Variants in HPS3 observed in about 807,000 individuals in gnomAD.
HPS3 encodes HPS3 biogenesis of lysosomal organelles complex 2 subunit 1, also known as BLOC-2 complex member HPS3.
A neutral mutation model predicts 110.9 loss-of-function variants in HPS3; 79 were observed. The observed-to-expected ratio is 0.71, with a 90% CI of 0.59 to 0.86. HPS3 has a LOEUF of 0.86. Ranked by LOEUF, HPS3 falls within the 40% of genes least tolerant of loss-of-function variation. The pLI, the probability that HPS3 is intolerant of heterozygous loss-of-function variation, is 0.00. For synonymous variants in HPS3, 428 were observed against 451.0 expected (o/e 0.95, Z 0.65); for missense variants, 1,197 against 1,206.2 (o/e 0.99, Z 0.11).
At chr3:149,130,935 A>G (rs1007477235) in intron 1 of HPS3, among the ~76,000 whole-genome samples, 3 of 152,212 alleles carry the variant, frequency 2.0e-5, no homozygotes, top group Non-Finnish European at 4.4e-5. Flanking sequence ...TTCCTTTAAT[A>G]CACTTACCTT....
In HPS3 at chr3:149,157,854, CAT is replaced by C. The variant is rs1209655105; in HGVS notation, c.1691+328_1691+329del. On this transcript the variant is annotated intron_variant, in intron 9 of 16. Coordinates refer to ENST00000296051, the MANE Select transcript of HPS3 (RefSeq NM_032383.5). ...CTTTGAAAATCCCTGACATTAAAAA[CAT>C]ATATTTTGTTAGTAAAGTTAACACT... Among the ~76,000 whole-genome samples, 11 of 152,172 alleles carry C rather than the reference CAT, an allele frequency of 7.2e-5. No homozygotes were observed. In the East Asian group the frequency reaches 2.1e-3, roughly 29 times the overall value.
intron 9 of HPS3, among the ~76,000 whole-genome samples, chr3:149,158,390 T>C (rs1322221144): frequency 1.3e-5 from 2 of 151,996 alleles, no homozygotes; most frequent in African/African-American, 2.4e-5. Context: ...AACTTAGGAG[T>C]TTGTTTCAGT....
At chr3:149,131,705 C>G (rs1028902570) in intron 1 of HPS3, among the ~76,000 whole-genome samples, 1 of 152,226 alleles carries the variant, frequency 6.6e-6, no homozygotes, top group African/African-American at 2.4e-5. Context: ...ACTTGGACGT[C>G]TCTCACTTTA....
At chr3:149,170,691 C>T (rs2108194485) in intron 16 of HPS3, 1 of 152,284 alleles carries the variant, frequency 6.6e-6, no homozygotes, top group Admixed American at 6.5e-5. Flanking sequence ...AAAGGCAGTT[C>T]ATTCTTTTGT....
chr3:149,138,632 A>G (rs1722262330), intron 1 of HPS3, among the ~76,000 whole-genome samples: 1 of 152,244 alleles, frequency 6.6e-6, no homozygotes, highest in South Asian at 2.1e-4. Flanking sequence ...ATCAGAAAAT[A>G]GACTCTAAAA....
chr3:149,140,191 C>T lies in HPS3; in HGVS notation c.405C>T (p.Ala135=), dbSNP rs529624415. The T allele has an allele frequency of 3.1e-6, 5 of 1,614,108 alleles. No homozygotes were observed. In the Admixed American group the frequency reaches 6.7e-5, roughly 22 times the overall value. Residue 135 remains alanine (A), a synonymous_variant, in exon 2 of 17, where the codon GCC becomes GCT. Transcript: ENST00000296051. ...TTATTGAAATGCCGCTTTCGGAGGC[C>T]CCCTTGTGCATTTCCTGTTGCCCTG... ...MYIIEMPLSE[A]PLCISCCPVK... is the part of the protein sequence containing the mutation.
Position 149,141,185 on chromosome 3 carries a change from A to G in HPS3, c.881A>G (p.Tyr294Cys), listed in dbSNP as rs200156408. 2.5e-6 allele frequency: 4 copies of G among 1,583,344 alleles called. No individual in the cohort carries two copies. The highest frequency in any genetic ancestry group is 4.5e-5 in the East Asian group (2 of 44,388). Residue 294 changes from tyrosine (Y) to cysteine (C), a missense_variant, in exon 3 of 17, where the codon TAT (tyrosine) becomes TGT (cysteine). Coordinates refer to ENST00000296051, the MANE Select transcript of HPS3 (RefSeq NM_032383.5). ...RKYSHFQHLLYRRFAPDISSY... is the reference protein window; with the variant it reads ...RKYSHFQHLLCRRFAPDISSY... ...TATTCCCACTTTCAGCACCTGCTCT[A>G]TAGGTATTATAGTGCTTTTTTTTTT...
chr3:149,159,914 A>AAGG (rs1232849484), intron 10 of HPS3, 132 bp from the exon 11 acceptor site: 2 of 702,142 alleles, frequency 2.8e-6, no homozygotes, highest in Non-Finnish European at 5.1e-6. Flanking sequence ...TAAAATTAAA[A>AAGG]CATAATACTA....
chr3:149,150,758 A>C, intron 6 of HPS3, 78 bp downstream of exon 6: 1 of 1,145,864 alleles, frequency 8.7e-7, no homozygotes, highest in Non-Finnish European at 1.3e-6. Context: ...TTGCTCTCAG[A>C]CCTAAGCTAG....
chr3:149,140,834 C>G (rs1019911520), intron 2 of HPS3, among the ~76,000 whole-genome samples, 183 bp from the exon 3 acceptor site: 1 of 152,066 alleles, frequency 6.6e-6, no homozygotes, highest in Non-Finnish European at 1.5e-5. Context: ...TAATACCTAC[C>G]CTGTTGTACT....
chr3:149,168,141 G>C (rs946831457), intron 16 of HPS3, 158 bp downstream of exon 16: 32 of 618,104 alleles, frequency 5.2e-5, no homozygotes, highest in Non-Finnish European at 9.4e-5. Flanking sequence ...CCCTCCCCTT[G>C]ACATTTGATA....
chr3:149,132,415 G>A (rs1448447402), intron 1 of HPS3, among the ~76,000 whole-genome samples: 2 of 152,124 alleles, frequency 1.3e-5, no homozygotes, highest in African/African-American at 4.8e-5. Context: ...TACTCTGCCT[G>A]TGCTTTAGAA....
chr3:149,133,033 T>C (rs1198540683), intron 1 of HPS3, among the ~76,000 whole-genome samples: 1 of 152,216 alleles, frequency 6.6e-6, no homozygotes, highest in African/African-American at 2.4e-5. Flanking sequence ...TTCTCATGGA[T>C]GAACAAAGAA....
chr3:149,170,165 T>A (rs1047322961), intron 16 of HPS3, among the ~76,000 whole-genome samples: 5 of 152,222 alleles, frequency 3.3e-5, no homozygotes, highest in African/African-American at 7.2e-5. Context: ...TTTAAAGTAC[T>A]CTGTGAATTT....
chr3:149,148,247 G>A (rs1348154190), intron 5 of HPS3, among the ~76,000 whole-genome samples: 1 of 152,094 alleles, frequency 6.6e-6, no homozygotes, highest in African/African-American at 2.4e-5. Context: ...AAAAGTTTCT[G>A]GAAGATAGGT....
At chr3:149,165,552 C>G (rs1724334106) in intron 14 of HPS3, among the ~76,000 whole-genome samples, 1 of 151,998 alleles carries the variant, frequency 6.6e-6, no homozygotes, top group Non-Finnish European at 1.5e-5. Context: ...TCATGGCTCA[C>G]TGTAACCTCC....
In HPS3 at chr3:149,139,472, A is replaced by G. The variant is rs193110342; in HGVS notation, c.218-532A>G. ...TTACCATTTTGACTTCCCACAACCA[A>G]TATATGTTTATAAGTTAAAACTTAT... On this transcript the variant is annotated intron_variant, in intron 1 of 16. Transcript: ENST00000296051. 2.9e-4 allele frequency among the ~76,000 whole-genome samples: 44 copies of G among 152,316 alleles called. No homozygotes were observed. In the East Asian group the frequency reaches 8.1e-3, roughly 28 times the overall value.
intron 4 of HPS3, among the ~76,000 whole-genome samples, chr3:149,143,168 C>T (rs1175212742): frequency 6.6e-6 from 1 of 152,168 alleles, no homozygotes; most frequent in Non-Finnish European, 1.5e-5. Flanking sequence ...ACTCCAAATC[C>T]ATTCCATGGC....
intron 1 of HPS3, among the ~76,000 whole-genome samples, chr3:149,137,252 T>C (rs1722166947): frequency 6.6e-6 from 1 of 152,090 alleles, no homozygotes; most frequent in Admixed American, 6.5e-5. Context: ...ATTAGGGAAA[T>C]GCAAATCCAA....
Sources: allele counts gnomAD v4.1 joint callset (sites outside exome capture counted in the v4.1 genomes callset), GRCh38; gene constraint gnomAD v4.1.1; transcripts MANE v1.5; gene names NCBI Gene and HGNC (gene_info 2026-07-23, HGNC 2026-07-21).